The following MIA2 variants were observed in gnomAD, a reference collection of about 807,000 sequenced individuals.
MIA2 encodes MIA SH3 domain ER export factor 2.
In MIA2, 127 loss-of-function variants were observed where a neutral mutation model predicts 167.8. The ratio of observed to expected loss-of-function variants is 0.76; its 90% confidence interval spans 0.66 to 0.88. The LOEUF is 0.88. Ranked by LOEUF, MIA2 falls within the 40% of genes least tolerant of loss-of-function variation. The pLI, the probability that MIA2 is intolerant of heterozygous loss-of-function variation, is 0.00. For missense variants in MIA2, 1,690 were observed against 1,624.7 expected, an observed-to-expected ratio of 1.04 and a Z score of -0.69; for synonymous variants, 552 against 541.9, an observed-to-expected ratio of 1.02 and a Z score of -0.26.
At chr14:39,340,651 T>A (rs1422273726) in intron 25 of MIA2, among the ~76,000 whole-genome samples, 2 of 152,218 alleles carry the variant, frequency 1.3e-5, no homozygotes, top group African/African-American at 2.4e-5. Context: ...CTTCCCAAAC[T>A]TAATAAGGTG....
chr14:39,284,740 CT>C lies in MIA2; in HGVS notation c.2130+5212del, dbSNP rs538573372. Among the ~76,000 whole-genome samples the C allele has an allele frequency of 2.0e-4, 30 of 148,868 alleles. No individual in the cohort carries two copies. In the East Asian group the frequency reaches 5.2e-3, roughly 26 times the overall value. ...GATGCTATGTAAATAGGATTGTTTT[CT>C]TTTTTTTTCTTTTTTTTATTTTTTT... On this transcript the variant is annotated intron_variant, in intron 9 of 28. Transcript: ENST00000640607.
intron 16 of MIA2, among the ~76,000 whole-genome samples, 174 bp from the exon 17 acceptor site, chr14:39,304,117 G>T (rs1363973761): frequency 4.6e-5 from 7 of 152,072 alleles, no homozygotes; most frequent in Middle Eastern, 3.2e-3. Context: ...GACTTTGCTG[G>T]TTTTTTTAAG....
chr14:39,258,828 C>A (rs1174399139), intron 6 of MIA2, among the ~76,000 whole-genome samples: 3 of 152,180 alleles, frequency 2.0e-5, no homozygotes, highest in Non-Finnish European at 4.4e-5. Context: ...TTCCTTCTAA[C>A]AGTCAGGCCC....
chr14:39,353,018 T>A (rs1309180971), downstream of MIA2, among the ~76,000 whole-genome samples: 1 of 152,140 alleles, frequency 6.6e-6, no homozygotes, highest in Non-Finnish European at 1.5e-5. Flanking sequence ...TCTCCCCAGT[T>A]CCTCTTCACC....
chr14:39,313,562 C>G (rs760441225), intron 19 of MIA2, 121 bp downstream of exon 19: 1 of 540,786 alleles, frequency 1.8e-6, no homozygotes, highest in Non-Finnish European at 3.2e-6. Flanking sequence ...ACAGGTGGTA[C>G]AGACAAAAAA....
chr14:39,234,871 A>G (rs1349982219), intron 1 of MIA2, among the ~76,000 whole-genome samples: 1 of 152,060 alleles, frequency 6.6e-6, no homozygotes, highest in Non-Finnish European at 1.5e-5. Context: ...CTATTGTTAA[A>G]GAACTTATTT....
At position 39,294,965 on chromosome 14, in the gene MIA2, G is replaced by A. The variant is rs139980313; in HGVS notation, c.2432G>A (p.Arg811Gln). ...AAGATATTTCAAATGAATGAAGAAC[G>A]ACTGAAGATAGCAATAAAAGATGCT... The part of the protein sequence containing the change: ...TFKIFQMNEE[R>Q]LKIAIKDALN... The change falls in exon 13 of 29, where the codon CGA becomes CAA. Residue 811 changes from arginine (R) to glutamine (Q), a missense_variant. By Grantham distance (43) the Arg-to-Gln change is conservative (BLOSUM62 1). Transcript: ENST00000640607. The A allele has an allele frequency of 1.8e-4, 289 of 1,613,562 alleles. 1 individual carries two copies. The highest frequency in any genetic ancestry group is 2.2e-4 in the Non-Finnish European group (262 of 1,179,788).
At chr14:39,299,775 CTTTT>C (rs1469850342) in intron 13 of MIA2, 85 bp from the exon 14 acceptor site, 1 of 1,395,922 alleles carries the variant, frequency 7.2e-7, no homozygotes, top group Non-Finnish European at 9.4e-7. Flanking sequence ...CCATGTTTTT[CTTTT>C]TTAAGTAGCT....
intron 23 of MIA2, among the ~76,000 whole-genome samples, chr14:39,360,287 G>A (rs1377714736): frequency 6.6e-6 from 1 of 152,164 alleles, no homozygotes; most frequent in Non-Finnish European, 1.5e-5. Context: ...GGGCAATAGA[G>A]CCTTGTCCAA....
intron 7 of MIA2, among the ~76,000 whole-genome samples, chr14:39,278,258 C>G (rs911911166): frequency 1.3e-5 from 2 of 152,170 alleles, no homozygotes; most frequent in African/African-American, 4.8e-5. Flanking sequence ...ATCACCACGC[C>G]TGGCCTAATT....
intron 27 of MIA2, among the ~76,000 whole-genome samples, chr14:39,348,066 G>A (rs2073792855): frequency 6.6e-6 from 1 of 152,102 alleles, no homozygotes; most frequent in African/African-American, 2.4e-5. Context: ...ACTCGCCTTG[G>A]CCTCCCAAAG....
At chr14:39,293,194 A>G (rs1566773519) in intron 10 of MIA2, 77 bp from the exon 11 acceptor site, 3 of 1,000,974 alleles carry the variant, frequency 3.0e-6, no homozygotes, top group East Asian at 2.5e-5. Context: ...TATAGTACAT[A>G]TTTTTTATTA....
chr14:39,322,181 A>G (rs577241622), intron 24 of MIA2, among the ~76,000 whole-genome samples: 2 of 152,322 alleles, frequency 1.3e-5, no homozygotes, highest in South Asian at 2.1e-4. Flanking sequence ...TATAGACTCA[A>G]GGAAATCAGT....
At chr14:39,321,416 C>T (rs1030047792) in intron 24 of MIA2, among the ~76,000 whole-genome samples, 31 of 151,626 alleles carry the variant, frequency 2.0e-4, no homozygotes, top group Admixed American at 9.2e-4. Context: ...CAGGTTCACG[C>T]CATTCTCCTG....
At chr14:39,349,202 T>C (rs2074024446) in intron 28 of MIA2, among the ~76,000 whole-genome samples, 1 of 152,220 alleles carries the variant, frequency 6.6e-6, no homozygotes, top group Non-Finnish European at 1.5e-5. Context: ...GAATTATTTC[T>C]GTATTTTGGC....
rs761263082 is a variant in MIA2 at position 39,326,864 on chromosome 14, G to T, written c.3497G>T (p.Gly1166Val). 1 of 1,561,364 alleles carries T rather than the reference G, an allele frequency of 6.4e-7. No individual in the cohort carries two copies. The highest frequency in any genetic ancestry group is 8.6e-7 in the Non-Finnish European group (1 of 1,161,128). The stretch of plus-strand genomic sequence containing the variant: ...TGTATGTTTTTTTTTCTTTAATTAG[G>T]CTCACGAGGCCCAGGGAATCCTCTG... ...SPLLPGGGGR[G>V]SRGPGNPLDH... Residue 1166 changes from glycine (G) to valine (V), a missense_variant and splice_region_variant, in exon 25 of 29, where the codon GGC becomes GTC. Transcript: ENST00000640607.
chr14:39,293,188 G>T, intron 10 of MIA2, 83 bp from the exon 11 acceptor site: 1 of 913,432 alleles, frequency 1.1e-6, no homozygotes, highest in Non-Finnish European at 1.7e-6. Context: ...TTAACTTATA[G>T]TACATATTTT....
chr14:39,265,635 T>A, intron 6 of MIA2: 1 of 344,532 alleles, frequency 2.9e-6, no homozygotes, highest in Non-Finnish European at 5.2e-6. Flanking sequence ...CAAAGGGAGG[T>A]TTTTTTTTTG....
At chr14:39,343,264 C>T (rs191284437) in intron 25 of MIA2, among the ~76,000 whole-genome samples, 1 of 152,272 alleles carries the variant, frequency 6.6e-6, no homozygotes, top group African/African-American at 2.4e-5. Context: ...TGTGTCTCAG[C>T]CTCCCGAGTA....
Sources: gnomAD v4.1 joint callset for allele counts (sites outside exome capture counted in the v4.1 genomes callset) on GRCh38, gnomAD v4.1.1 for gene constraint, MANE v1.5 for transcripts, NCBI Gene and HGNC (gene_info 2026-07-23, HGNC 2026-07-21) for gene names.